Variants in SWT1 observed in about 807,000 individuals in gnomAD.
The protein encoded by SWT1 is SWT1 RNA endoribonuclease homolog.
A neutral mutation model predicts 107.3 loss-of-function variants in SWT1; 33 were observed. That is an observed-to-expected ratio of 0.31 (90% CI 0.23 to 0.41). The LOEUF is 0.41. SWT1 is among the 10% of genes least tolerant of loss of function. The pLI is 1.00. For missense variants in SWT1, 898 were observed against 1,028.9 expected, an observed-to-expected ratio of 0.87 and a Z score of 1.74; for synonymous variants, 345 against 348.3, an observed-to-expected ratio of 0.99 and a Z score of 0.11.
intron 18 of SWT1, among the ~76,000 whole-genome samples, chr1:185,278,127 C>T (rs371170404): frequency 2.6e-5 from 4 of 152,172 alleles, no homozygotes; most frequent in East Asian, 1.9e-4. Context: ...CATGCCCAGC[C>T]GCAAATCCAA....
rs1372190776 is a variant in SWT1 at position 185,167,720 on chromosome 1, G to A, written c.166-620G>A. ...CTTGAAAGAGGCCCTCTTGCCTTTC[G>A]CTAGGCTGGTTTATTTTCTTTCTGC... On this transcript the variant is annotated intron_variant, in intron 3 of 18. Transcript: ENST00000367500. Among the ~76,000 whole-genome samples, 5 of 151,872 alleles carry A rather than the reference G, an allele frequency of 3.3e-5. No individual in the cohort carries two copies. In the South Asian group the frequency reaches 6.3e-4, roughly 19 times the overall value.
chr1:185,232,891 A>G (rs1660597624), intron 16 of SWT1, among the ~76,000 whole-genome samples: 1 of 152,180 alleles, frequency 6.6e-6, no homozygotes. Context: ...CTAGAGATTC[A>G]TATGTAATTA....
Position 185,270,046 on chromosome 1 carries a change from G to A in SWT1, c.2442-1277G>A, listed in dbSNP as rs1205108215. On this transcript the variant is annotated intron_variant, in intron 16 of 18. Transcript: ENST00000367500. ...GTCACTGTTATAATTGACATATACT[G>A]TATAGTACTTGCTGTATTTCATATG... Among the ~76,000 whole-genome samples the A allele has an allele frequency of 3.9e-5, 6 of 152,288 alleles. No individual in the cohort carries two copies. The East Asian group carries it at 1.2e-3, about 29-fold the overall frequency.
chr1:185,166,501 T>A, intron 2 of SWT1, 71 bp from the exon 3 acceptor site: 1 of 951,354 alleles, frequency 1.1e-6, no homozygotes, highest in Non-Finnish European at 1.6e-6. Flanking sequence ...ATACTAGTGA[T>A]GAAATAGTTC....
chr1:185,276,145 TGAAA>T (rs1664223387), intron 17 of SWT1, among the ~76,000 whole-genome samples: 1 of 152,172 alleles, frequency 6.6e-6, no homozygotes, highest in Admixed American at 6.5e-5. Context: ...TTTTATATGA[TGAAA>T]GATTTTTATA....
chr1:185,209,940 C>T (rs1658643163), intron 13 of SWT1, among the ~76,000 whole-genome samples: 1 of 152,180 alleles, frequency 6.6e-6, no homozygotes, highest in Non-Finnish European at 1.5e-5. Context: ...GATGGTATCT[C>T]ATTGTGCTTT....
At chr1:185,209,504 T>C (rs1658596499) in intron 13 of SWT1, among the ~76,000 whole-genome samples, 3 of 152,210 alleles carry the variant, frequency 2.0e-5, no homozygotes, top group African/African-American at 7.2e-5. Context: ...GTTAGTTTGC[T>C]GAGAATGATG....
intron 4 of SWT1, among the ~76,000 whole-genome samples, chr1:185,173,632 C>T (rs1169321431): frequency 6.6e-6 from 1 of 151,814 alleles, no homozygotes; most frequent in Non-Finnish European, 1.5e-5. Context: ...TCTCTTGAGC[C>T]TGATATGTTG....
intron 16 of SWT1, among the ~76,000 whole-genome samples, chr1:185,238,985 A>G (rs1330010718): frequency 1.3e-5 from 2 of 152,112 alleles, no homozygotes; most frequent in African/African-American, 4.8e-5. Flanking sequence ...AAAATGACCT[A>G]GTTTCATTTG....
At chr1:185,253,325 C>T (rs1662202626) in intron 16 of SWT1, among the ~76,000 whole-genome samples, 2 of 151,096 alleles carry the variant, frequency 1.3e-5, no homozygotes, top group South Asian at 4.2e-4. Flanking sequence ...TGAAGAAAGG[C>T]ATTGGTAGCT....
At chr1:185,266,917 A>G (rs1380124047) in intron 16 of SWT1, among the ~76,000 whole-genome samples, 1 of 152,196 alleles carries the variant, frequency 6.6e-6, no homozygotes, top group Non-Finnish European at 1.5e-5. Context: ...TGCCAGAAGC[A>G]TTTGATAAAA....
At chr1:185,190,734 A>T (rs1250678474) in intron 10 of SWT1, 92 bp downstream of exon 10, 6 of 727,878 alleles carry the variant, frequency 8.2e-6, no homozygotes, top group Non-Finnish European at 1.3e-5. Context: ...CAAGGATCAA[A>T]AACATACATA....
chr1:185,223,349 T>A (rs1307260901), intron 15 of SWT1, among the ~76,000 whole-genome samples: 2 of 152,092 alleles, frequency 1.3e-5, no homozygotes, highest in Admixed American at 6.6e-5. Flanking sequence ...TTTGATTTTT[T>A]AATTTCTTAT....
chr1:185,197,364 T>A (rs989974346), intron 10 of SWT1, among the ~76,000 whole-genome samples: 4 of 152,102 alleles, frequency 2.6e-5, no homozygotes, highest in African/African-American at 9.7e-5. Context: ...ATTCGGTTTG[T>A]TAGTATTTTA....
At chr1:185,182,843 A>G (rs1656141240) in intron 7 of SWT1, among the ~76,000 whole-genome samples, 1 of 152,186 alleles carries the variant, frequency 6.6e-6, no homozygotes, top group South Asian at 2.1e-4. Flanking sequence ...ATTTTTAAAA[A>G]TGGCAATGCT....
At chr1:185,262,887 A>G (rs1291987428) in intron 16 of SWT1, among the ~76,000 whole-genome samples, 2 of 150,858 alleles carry the variant, frequency 1.3e-5, no homozygotes, top group South Asian at 2.1e-4. Context: ...CCCCAAGCTC[A>G]GGTGATTCTC....
chr1:185,224,980 T>C (rs1659942319), intron 15 of SWT1, among the ~76,000 whole-genome samples: 1 of 152,266 alleles, frequency 6.6e-6, no homozygotes, highest in Admixed American at 6.5e-5. Flanking sequence ...GCTATAAGAC[T>C]TCCAGTACAA....
intron 5 of SWT1, chr1:185,177,033 A>C: frequency 1.0e-6 from 1 of 980,212 alleles, no homozygotes; most frequent in Non-Finnish European, 1.2e-6. Flanking sequence ...GATATTTCTT[A>C]CGAAAAATGG....
intron 16 of SWT1, among the ~76,000 whole-genome samples, chr1:185,236,217 CA>C (rs1325669398): frequency 2.0e-5 from 3 of 151,940 alleles, no homozygotes; most frequent in Non-Finnish European, 4.4e-5. Flanking sequence ...CATATGGAAC[CA>C]AAAAAGAGCC....
Sources: gnomAD v4.1 joint callset for allele counts (sites outside exome capture counted in the v4.1 genomes callset) on GRCh38, gnomAD v4.1.1 for gene constraint, MANE v1.5 for transcripts, NCBI Gene and HGNC (gene_info 2026-07-23, HGNC 2026-07-21) for gene names.